Variants in IFT52 observed in about 807,000 individuals in gnomAD.
IFT52 encodes intraflagellar transport 52.
A neutral mutation model predicts 54.4 loss-of-function variants in IFT52; 44 were observed. That is an observed-to-expected ratio of 0.81 (90% CI 0.63 to 1.04). The LOEUF is 1.04. Ranked by LOEUF, IFT52 falls within the 50% of genes least tolerant of loss-of-function variation. The pLI is 0.00. For missense variants in IFT52, 452 were observed against 523.6 expected (o/e 0.86, Z 1.33); for synonymous variants, 181 against 185.3 (o/e 0.98, Z 0.19).
chr20:43,600,257 G>C (rs1034832725), intron 3 of IFT52, among the ~76,000 whole-genome samples: 1 of 152,002 alleles, frequency 6.6e-6, no homozygotes, highest in African/African-American at 2.4e-5. Flanking sequence ...TGTTGCTGTC[G>C]GTGATGTGAT....
intron 1 of IFT52, among the ~76,000 whole-genome samples, chr20:43,591,980 A>G (rs1981560423): frequency 6.6e-6 from 1 of 152,256 alleles, no homozygotes; most frequent in Non-Finnish European, 1.5e-5. Flanking sequence ...GGGATTTATT[A>G]TATAGGCGAG....
At chr20:43,617,965 C>G (rs145491470) in intron 7 of IFT52, among the ~76,000 whole-genome samples, 3 of 151,686 alleles carry the variant, frequency 2.0e-5, no homozygotes, top group African/African-American at 7.3e-5. Flanking sequence ...CTAGGCTGGT[C>G]TTGAACTACT....
chr20:43,639,949 G>C (rs1985802463), intron 12 of IFT52, among the ~76,000 whole-genome samples: 1 of 152,158 alleles, frequency 6.6e-6, no homozygotes, highest in African/African-American at 2.4e-5. Context: ...GCTGAGGCAA[G>C]AGGATCACTT....
chr20:43,598,309 G>T (rs1280009996), intron 3 of IFT52, among the ~76,000 whole-genome samples: 1 of 152,198 alleles, frequency 6.6e-6, no homozygotes, highest in Non-Finnish European at 1.5e-5. Context: ...GTGGGGAATG[G>T]AGCGTTGCTG....
chr20:43,592,093 A>G (rs559136723), intron 1 of IFT52, among the ~76,000 whole-genome samples: 108 of 152,272 alleles, frequency 7.1e-4, no homozygotes, highest in African/African-American at 2.5e-3. Flanking sequence ...GGTGGCTCAC[A>G]CCTGTAATCC....
At chr20:43,610,972 A>T (rs1983398494) in intron 6 of IFT52, among the ~76,000 whole-genome samples, 1 of 152,216 alleles carries the variant, frequency 6.6e-6, no homozygotes, top group South Asian at 2.1e-4. Flanking sequence ...GGAAAATTTC[A>T]GTAAGGTGAT....
chr20:43,643,142 G>A (rs950717052), intron 13 of IFT52, among the ~76,000 whole-genome samples: 23 of 150,584 alleles, frequency 1.5e-4, no homozygotes, highest in African/African-American at 5.6e-4. Context: ...ACTCCAGCCT[G>A]GGCAACAGTG....
intron 10 of IFT52, among the ~76,000 whole-genome samples, chr20:43,629,336 C>A (rs1247673827): frequency 1.2e-5 from 1 of 81,070 alleles, no homozygotes; most frequent in Non-Finnish European, 3.0e-5. Flanking sequence ...GCAGTGGCGC[C>A]ATCTCGACTC....
intron 9 of IFT52, 123 bp downstream of exon 9, chr20:43,621,048 G>A: frequency 4.5e-6 from 3 of 670,744 alleles, no homozygotes; most frequent in South Asian, 2.1e-5. Flanking sequence ...ATGGAACGAA[G>A]GAATGATTTG....
At chr20:43,606,862 G>A (rs1364312089) in intron 6 of IFT52, among the ~76,000 whole-genome samples, 1 of 152,152 alleles carries the variant, frequency 6.6e-6, no homozygotes, top group Non-Finnish European at 1.5e-5. Context: ...ATTTAACCCT[G>A]AGTGGACACA....
At chr20:43,624,956 A>T (rs763398640) in intron 10 of IFT52, among the ~76,000 whole-genome samples, 18 of 152,084 alleles carry the variant, frequency 1.2e-4, no homozygotes, top group Non-Finnish European at 2.6e-4. Context: ...TGAAATTAGC[A>T]TGCTGCCATT....
rs749320242 is a variant in IFT52, at chr20:43,594,828, A to G, written c.119+11A>G. The G allele has an allele frequency of 3.0e-6, 4 of 1,315,882 alleles. No homozygotes were observed. The highest frequency in any genetic ancestry group is 1.2e-5 in the South Asian group (1 of 84,676). The allele number at this position is 1,315,882 out of a possible 1,614,324, so 81.5% of individuals were successfully genotyped here. On this transcript the variant is annotated intron_variant, in intron 2 of 13. Coordinates refer to ENST00000373030, the MANE Select transcript of IFT52 (RefSeq NM_016004.5). ...TTGGAAGATTCAGAGGTGACTGACCATGTATATTGTTTTCCCTTCTAAATG... is the reference window on the plus strand; with the variant it reads ...TTGGAAGATTCAGAGGTGACTGACCGTGTATATTGTTTTCCCTTCTAAATG...
chr20:43,592,570 CAAA>C (rs10715757), intron 1 of IFT52, among the ~76,000 whole-genome samples: 8 of 142,114 alleles, frequency 5.6e-5, no homozygotes, highest in Admixed American at 1.4e-4. Context: ...CAGACTCTCT[CAAA>C]AAAAAAAAAA....
At chr20:43,623,825 G>C in intron 9 of IFT52, 66 bp from the exon 10 acceptor site, 2 of 1,522,442 alleles carry the variant, frequency 1.3e-6, no homozygotes, top group Middle Eastern at 3.5e-4. Flanking sequence ...ACCTGAGACA[G>C]TGGAGACTTG....
intron 8 of IFT52, among the ~76,000 whole-genome samples, chr20:43,619,910 CTTT>C (rs11482384): frequency 2.4e-5 from 2 of 82,798 alleles, no homozygotes; most frequent in African/African-American, 9.7e-5. Flanking sequence ...AGATATTCTA[CTTT>C]TTTTTTTTTT....
At chr20:43,630,191 A>G (rs1408935170) in intron 10 of IFT52, among the ~76,000 whole-genome samples, 2 of 152,180 alleles carry the variant, frequency 1.3e-5, no homozygotes, top group South Asian at 2.1e-4. Flanking sequence ...TCTGCAGCTC[A>G]GGGCTTTTCT....
At chr20:43,642,315 G>T (rs1985970728) in intron 12 of IFT52, 164 bp from the exon 13 acceptor site, 5 of 625,470 alleles carry the variant, frequency 8.0e-6, no homozygotes, top group African/African-American at 1.9e-5. Flanking sequence ...GAGAGCTCTA[G>T]GGTTTTTCAG....
At chr20:43,597,890 CAAAAAA>C (rs36068236) in intron 3 of IFT52, among the ~76,000 whole-genome samples, 1 of 102,034 alleles carries the variant, frequency 9.8e-6, no homozygotes, top group East Asian at 2.8e-4. Context: ...GAGACTCTTT[CAAAAAA>C]AAAAAAAAAA....
At chr20:43,614,754 A>G (rs1983728621) in intron 7 of IFT52, among the ~76,000 whole-genome samples, 1 of 151,488 alleles carries the variant, frequency 6.6e-6, no homozygotes. Flanking sequence ...CCCCATAGAA[A>G]TGTGGGCACA....
Sources: allele counts gnomAD v4.1 joint callset (sites outside exome capture counted in the v4.1 genomes callset), GRCh38; gene constraint gnomAD v4.1.1; transcripts MANE v1.5; gene names NCBI Gene and HGNC (gene_info 2026-07-23, HGNC 2026-07-21).